CDH22: variants seen among roughly 807,000 people sequenced by gnomAD.
CDH22 encodes cadherin 22.
CDH22 carries 30 observed loss-of-function variants against 58.4 expected under a neutral mutation model. The observed-to-expected ratio is 0.51, with a 90% CI of 0.38 to 0.70. The LOEUF (loss-of-function observed/expected upper bound fraction) is 0.70. Among genes scored for constraint, CDH22 ranks in the 30% least tolerant of loss-of-function variants. CDH22 has a pLI of 0.00. For synonymous variants in CDH22, 513 were observed against 558.2 expected (o/e 0.92, Z 1.14); for missense variants, 1,014 against 1,233.9 (o/e 0.82, Z 2.67).
intron 1 of CDH22, among the ~76,000 whole-genome samples, chr20:46,291,672 G>A (rs1315470053): frequency 6.6e-6 from 1 of 152,230 alleles, no homozygotes; most frequent in Non-Finnish European, 1.5e-5. Context: ...AGAGGTGAAC[G>A]ACCTCTCAAC....
At chr20:46,273,342 C>A (rs1247045687) in intron 1 of CDH22, among the ~76,000 whole-genome samples, 1 of 152,200 alleles carries the variant, frequency 6.6e-6, no homozygotes, top group African/African-American at 2.4e-5. Context: ...CTTGTCAGCT[C>A]TGTGATGCTT....
intron 2 of CDH22, among the ~76,000 whole-genome samples, chr20:46,242,161 C>CT (rs779295858): frequency 3.3e-5 from 5 of 152,270 alleles, no homozygotes; most frequent in Admixed American, 6.5e-5. Flanking sequence ...GTTAAAGATG[C>CT]TTTTTTTAAA....
At chr20:46,226,273 TCTTCTTCTTCTTCTTC>T (rs1172258407) in intron 4 of CDH22, among the ~76,000 whole-genome samples, 64 of 5,368 alleles carry the variant, frequency 0.012, 2 homozygotes, top group Middle Eastern at 0.083. Context: ...TTCTTCTTCT[TCTTCTTCTTCTTCTTC>T]TTCTTTTTTT....
At chr20:46,198,814 C>T (rs2085930488) in intron 8 of CDH22, among the ~76,000 whole-genome samples, 1 of 152,162 alleles carries the variant, frequency 6.6e-6, no homozygotes, top group Non-Finnish European at 1.5e-5. Flanking sequence ...GCTTGGAATG[C>T]TCTTCCTGCA....
intron 2 of CDH22, among the ~76,000 whole-genome samples, chr20:46,244,888 C>T (rs1045063949): frequency 6.6e-6 from 1 of 152,208 alleles, no homozygotes; most frequent in Non-Finnish European, 1.5e-5. Flanking sequence ...CCTCAAACTA[C>T]AAATCAGGAA....
chr20:46,301,340 C>T (rs773409262), intron 1 of CDH22, among the ~76,000 whole-genome samples: 9 of 152,014 alleles, frequency 5.9e-5, no homozygotes, highest in Non-Finnish European at 1.2e-4. Flanking sequence ...GGTTTTGTTA[C>T]AACCATTTTC....
intron 8 of CDH22, among the ~76,000 whole-genome samples, chr20:46,192,754 T>G (rs1202209091): frequency 6.6e-6 from 1 of 152,020 alleles, no homozygotes; most frequent in East Asian, 1.9e-4. Flanking sequence ...TGATTAGAGC[T>G]GGCCAGCTGG....
At position 46,186,543 on chromosome 20, in the gene CDH22, A is replaced by G. The variant is rs765383455; in HGVS notation, c.1663+45T>C. 2.2e-5 allele frequency: 30 copies of G among 1,354,048 alleles called. No individual in the cohort carries two copies. The South Asian group carries it at 3.3e-4, about 15-fold the overall frequency. 83.9% of individuals were successfully genotyped at this position (1,354,048 alleles called of 1,614,324 possible). A position where few individuals can be genotyped will look rare whatever the true frequency, so the allele number is the denominator to read the frequency against. On this transcript the variant is annotated intron_variant, in intron 10 of 11. Coordinates refer to ENST00000537909, the MANE Select transcript of CDH22 (RefSeq NM_021248.3). ...TCTATAATATGGGAACAGGGCAGGG[A>G]GACTGTGCCCCTCCCTTCTTGCATC... is the stretch of plus-strand genomic sequence containing the variant.
intron 1 of CDH22, among the ~76,000 whole-genome samples, chr20:46,256,511 C>G (rs1448847673): frequency 1.3e-5 from 2 of 152,084 alleles, no homozygotes; most frequent in African/African-American, 4.8e-5. Context: ...CAGCATGTGT[C>G]TAGTGGGAAG....
chr20:46,200,013 G>A (rs2085944781), intron 7 of CDH22, among the ~76,000 whole-genome samples: 1 of 148,136 alleles, frequency 6.8e-6, no homozygotes, highest in Non-Finnish European at 1.5e-5. Flanking sequence ...TCGCACTTTC[G>A]CCCAGGCTGG....
Position 46,241,058 on chromosome 20 carries a change from G to A in CDH22, c.455C>T (p.Ser152Leu), listed in dbSNP as rs745978636. 1.4e-5 allele frequency: 22 copies of A among 1,614,030 alleles called. No individual in the cohort carries two copies. The highest frequency in any genetic ancestry group is 5.5e-5 in the South Asian group (5 of 91,080). ...GTCCTGCACCTTGATGATGAACTCCGACTCGGGCTCCAGTAGGCGGTTGGT... is the reference window on the plus strand; with the variant it reads ...GTCCTGCACCTTGATGATGAACTCCAACTCGGGCTCCAGTAGGCGGTTGGT... ...RATNRLLEPE[S>L]EFIIKVQDIN... is the part of the protein sequence containing the mutation. The change falls in exon 3 of 12, where the codon TCG becomes TTG. Residue 152 changes from serine to leucine, a missense_variant. Around this residue, in one of 2 missense-constraint regions of CDH22, gnomAD observed 806 missense variants for 1,038.7 expected, o/e 0.78. Transcript: ENST00000537909. This position sits in a 1 kb window ranked among gnomAD's most constrained non-coding sequence, Gnocchi z 5.2.
chr20:46,223,766 T>C (rs2086150147), intron 4 of CDH22, among the ~76,000 whole-genome samples: 1 of 150,826 alleles, frequency 6.6e-6, no homozygotes, highest in South Asian at 2.1e-4. Flanking sequence ...TTTTCTTTCT[T>C]TCTTTCTTTC....
At chr20:46,189,110 G>C (rs1164384617) in intron 8 of CDH22, among the ~76,000 whole-genome samples, 1 of 152,180 alleles carries the variant, frequency 6.6e-6, no homozygotes, top group African/African-American at 2.4e-5. Flanking sequence ...CACCTCCTGG[G>C]GGGGCGGGCG....
At chr20:46,248,992 G>A (rs1270477169) in intron 2 of CDH22, among the ~76,000 whole-genome samples, 2 of 152,182 alleles carry the variant, frequency 1.3e-5, no homozygotes, top group South Asian at 2.1e-4. Flanking sequence ...TACTTTATAT[G>A]GGAATAATAA....
intron 6 of CDH22, among the ~76,000 whole-genome samples, chr20:46,212,782 G>A (rs1405785673): frequency 6.6e-6 from 1 of 152,204 alleles, no homozygotes; most frequent in Non-Finnish European, 1.5e-5. Context: ...CTGAGAACCA[G>A]CTGTGCAACC....
chr20:46,202,925 A>C (rs1230883744), intron 7 of CDH22, among the ~76,000 whole-genome samples: 1 of 152,204 alleles, frequency 6.6e-6, no homozygotes, highest in Admixed American at 6.5e-5. Flanking sequence ...GGGCTGGGCG[A>C]GAGGCCGGGC....
At chr20:46,238,112 A>G (rs974490626) in intron 3 of CDH22, among the ~76,000 whole-genome samples, 1 of 152,218 alleles carries the variant, frequency 6.6e-6, no homozygotes, top group Admixed American at 6.5e-5. Context: ...AAGTCTTCCC[A>G]TGTCACTCCC....
At chr20:46,249,357 T>C (rs1306261124) in intron 2 of CDH22, among the ~76,000 whole-genome samples, 1 of 152,224 alleles carries the variant, frequency 6.6e-6, no homozygotes, top group Non-Finnish European at 1.5e-5. Flanking sequence ...TCCTAGGCCC[T>C]GCCACTAGGT....
chr20:46,195,829 T>C (rs1436899163), intron 8 of CDH22, among the ~76,000 whole-genome samples: 1 of 152,202 alleles, frequency 6.6e-6, no homozygotes, highest in East Asian at 1.9e-4. Flanking sequence ...ACTAAGTGGC[T>C]CGGGAGTCTT....
Sources: allele counts gnomAD v4.1 joint callset (sites outside exome capture counted in the v4.1 genomes callset), GRCh38; gene constraint gnomAD v4.1.1; regional missense constraint gnomAD v4.1.1; non-coding constraint Gnocchi (gnomAD v3.1); transcripts MANE v1.5; gene names NCBI Gene and HGNC (gene_info 2026-07-23, HGNC 2026-07-21).